Variants in SEC24A observed in about 807,000 individuals in gnomAD.
SEC24A encodes the protein protein transport protein Sec24A.
Under a neutral mutation model 129.4 loss-of-function variants are expected in SEC24A, and 93 were observed. The observed-to-expected ratio is 0.72, with a 90% CI of 0.61 to 0.85. The LOEUF is 0.85. Among genes scored for constraint, SEC24A ranks in the 40% least tolerant of loss-of-function variants. SEC24A has a pLI of 0.00. For missense variants in SEC24A, 1,264 were observed against 1,307.4 expected (o/e 0.97, Z 0.51); for synonymous variants, 460 against 467.3 (o/e 0.98, Z 0.20).
chr5:134,658,740 G>A (rs1275522374), intron 1 of SEC24A, among the ~76,000 whole-genome samples: 1 of 152,112 alleles, frequency 6.6e-6, no homozygotes, highest in Non-Finnish European at 1.5e-5. Context: ...AATGGGGTGG[G>A]GGAGAGGACA....
chr5:134,700,967 C>T (rs1751989670), intron 15 of SEC24A, among the ~76,000 whole-genome samples: 1 of 152,130 alleles, frequency 6.6e-6, no homozygotes, highest in Admixed American at 6.6e-5. Flanking sequence ...ATCCATCCGC[C>T]TCGGCCTCCC....
At chr5:134,656,207 G>A (rs536765409) in intron 1 of SEC24A, among the ~76,000 whole-genome samples, 4 of 150,632 alleles carry the variant, frequency 2.7e-5, no homozygotes, top group East Asian at 2.0e-4. Context: ...CTCAGCCTCC[G>A]GAGTAGCTGG....
rs192440784 is a variant in SEC24A, at chr5:134,710,326, C to T, written c.2727+1438C>T. Among the ~76,000 whole-genome samples, 322 of 151,560 alleles carry T rather than the reference C, an allele frequency of 2.1e-3. 2 individuals are homozygous for T. Among genetic ancestry groups the T allele is most frequent in the African/African-American group, 7.4e-3 (307 of 41,316 alleles). On this transcript the variant is annotated intron_variant, in intron 18 of 22. Transcript: ENST00000398844. ...TCCTGGGTTCAACCTCCTCCTCCTGCGTTCAGGCAATTCTCTCGCCTCAGC... is the reference window on the plus strand; with the variant it reads ...TCCTGGGTTCAACCTCCTCCTCCTGTGTTCAGGCAATTCTCTCGCCTCAGC...
At position 134,661,112 on chromosome 5, in the gene SEC24A, T is replaced by C. The variant is rs1397958903; in HGVS notation, c.98-7T>C. On this transcript the variant is annotated splice_polypyrimidine_tract_variant and splice_region_variant and intron_variant, in intron 1 of 22. Transcript: ENST00000398844. ...GTAAGACTAATTTTTCCTCCTTTTA[T>C]TGGAAGGTCCTGTCCAAAATGCATT... 3 of 1,560,458 alleles carry C rather than the reference T, an allele frequency of 1.9e-6. No individual in the cohort carries two copies. The highest frequency in any genetic ancestry group is 2.6e-6 in the Non-Finnish European group (3 of 1,154,580).
At chr5:134,652,546 A>G (rs1750094460) in intron 1 of SEC24A, among the ~76,000 whole-genome samples, 1 of 151,752 alleles carries the variant, frequency 6.6e-6, no homozygotes, top group Non-Finnish European at 1.5e-5. Flanking sequence ...TCGGCCTACT[A>G]AAGTGCCGGG....
chr5:134,699,300 C>T (rs1414292345), intron 15 of SEC24A, among the ~76,000 whole-genome samples: 1 of 143,548 alleles, frequency 7.0e-6, no homozygotes, highest in African/African-American at 2.8e-5. Flanking sequence ...ACCATTTTAT[C>T]CTTTTTTTTT....
intron 15 of SEC24A, among the ~76,000 whole-genome samples, chr5:134,699,206 A>T (rs1186574990): frequency 6.6e-6 from 1 of 151,630 alleles, no homozygotes; most frequent in Non-Finnish European, 1.5e-5. Context: ...TTAGGATTAC[A>T]GGCATGAGCC....
At chr5:134,695,109 C>T (rs1363567395) in intron 13 of SEC24A, among the ~76,000 whole-genome samples, 1 of 152,036 alleles carries the variant, frequency 6.6e-6, no homozygotes, top group Non-Finnish European at 1.5e-5. Flanking sequence ...GTGGCTTGTG[C>T]CTATAATCCC....
chr5:134,723,827 C>CT (rs1192052683), intron 22 of SEC24A, among the ~76,000 whole-genome samples, 157 bp downstream of exon 22: 1 of 152,038 alleles, frequency 6.6e-6, no homozygotes, highest in Non-Finnish European at 1.5e-5. Context: ...AAATACAGAA[C>CT]TTTTTTCATT....
chr5:134,675,458 A>T (rs1213673176), intron 6 of SEC24A, among the ~76,000 whole-genome samples: 1 of 152,172 alleles, frequency 6.6e-6, no homozygotes, highest in Admixed American at 6.6e-5. Flanking sequence ...TATGATATTC[A>T]TTATCATTAT....
At chr5:134,694,464 G>A (rs1308517551) in intron 13 of SEC24A, among the ~76,000 whole-genome samples, 10 of 151,940 alleles carry the variant, frequency 6.6e-5, no homozygotes, top group Admixed American at 3.3e-4. Flanking sequence ...TCGAGACCAC[G>A]GTGAAACCCC....
intron 1 of SEC24A, among the ~76,000 whole-genome samples, chr5:134,659,979 AT>A (rs1750393079): frequency 6.6e-6 from 1 of 151,848 alleles, no homozygotes; most frequent in Admixed American, 6.6e-5. Flanking sequence ...GGCCTGTCAA[AT>A]TTTTGCTTAT....
chr5:134,651,260 T>C (rs1043533090), intron 1 of SEC24A, among the ~76,000 whole-genome samples: 3 of 148,450 alleles, frequency 2.0e-5, no homozygotes, highest in African/African-American at 7.3e-5. Context: ...CCCCATTTTT[T>C]ATATAAGTAT....
rs892196376 is a variant in SEC24A, at chr5:134,669,719, C to T, written c.740-2090C>T. Among the ~76,000 whole-genome samples the T allele has an allele frequency of 4.6e-5, 7 of 151,898 alleles. No homozygotes were observed. In the East Asian group the frequency reaches 9.7e-4, roughly 21 times the overall value. On this transcript the variant is annotated intron_variant, in intron 3 of 22. Transcript: ENST00000398844. ...GTCTCGATCTCCTGACCTTGTGATCCGCCTGCCTCAGCCTCCCAAAGTGCT... is the reference window on the plus strand; with the variant it reads ...GTCTCGATCTCCTGACCTTGTGATCTGCCTGCCTCAGCCTCCCAAAGTGCT...
At chr5:134,671,137 C>T (rs189775873) in intron 3 of SEC24A, among the ~76,000 whole-genome samples, 1 of 152,176 alleles carries the variant, frequency 6.6e-6, no homozygotes, top group Non-Finnish European at 1.5e-5. Context: ...CTCTGCCTCT[C>T]AGGTTCAAGG....
chr5:134,714,330 T>A lies in SEC24A; in HGVS notation c.2728-694T>A, dbSNP rs867866610. On this transcript the variant is annotated intron_variant, in intron 18 of 22. Coordinates refer to ENST00000398844, the MANE Select transcript of SEC24A (RefSeq NM_021982.3). The stretch of plus-strand genomic sequence containing the variant: ...CACATACCGGTACCAGTGGGTGGCC[T>A]GTTAGGAACTGAGCCACACAGCAGG... Among the ~76,000 whole-genome samples the A allele has an allele frequency of 4.6e-5, 7 of 152,268 alleles. No individual in the cohort carries two copies. The Middle Eastern group carries it at 0.01, about 222-fold the overall frequency.
intron 15 of SEC24A, among the ~76,000 whole-genome samples, chr5:134,699,301 C>CGT (rs1429369613): frequency 2.2e-5 from 3 of 138,374 alleles, no homozygotes; most frequent in African/African-American, 8.3e-5. Flanking sequence ...CCATTTTATC[C>CGT]TTTTTTTTTT....
intron 2 of SEC24A, among the ~76,000 whole-genome samples, chr5:134,666,202 T>C (rs1750653588): frequency 6.6e-6 from 1 of 152,118 alleles, no homozygotes; most frequent in Non-Finnish European, 1.5e-5. Context: ...ATCCAAATTT[T>C]ATATTTACTC....
chr5:134,724,982 A>T lies in SEC24A; in HGVS notation c.3170A>T (p.Asp1057Val). Residue 1057 changes from aspartate (D) to valine (V), a missense_variant and splice_region_variant, in exon 23 of 23, where the codon GAT becomes GTT. By Grantham distance (152) the Asp-to-Val change is radical. Transcript: ENST00000398844. The stretch of plus-strand genomic sequence containing the variant: ...TTTTTTTGCCTTTTATTCCTAAGGG[A>T]TGAGAGTCCAATGAAAGCAAACTTC... ...PFFPILYVIR[D>V]ESPMKANFLQ... 2 of 1,574,834 alleles carry T rather than the reference A, an allele frequency of 1.3e-6. No individual in the cohort carries two copies. The highest frequency in any genetic ancestry group is 2.2e-5 in the East Asian group (1 of 44,476).
Sources: gnomAD v4.1 joint callset for allele counts (sites outside exome capture counted in the v4.1 genomes callset) on GRCh38, gnomAD v4.1.1 for gene constraint, MANE v1.5 for transcripts, NCBI Gene and HGNC (gene_info 2026-07-23, HGNC 2026-07-21) for gene names.